The following NSUN6 variants were observed in gnomAD, a reference collection of about 807,000 sequenced individuals.
NSUN6 encodes the protein NOP2/Sun RNA methyltransferase 6.
A neutral mutation model predicts 58.0 loss-of-function variants in NSUN6; 64 were observed. That is an observed-to-expected ratio of 1.10 (90% CI 0.90 to 1.36). The LOEUF (loss-of-function observed/expected upper bound fraction) is 1.36, where lower values mean the gene tolerates loss of function less well. Ranked by LOEUF, NSUN6 falls within the 40% of genes most tolerant of loss-of-function variation. NSUN6 has a pLI of 0.00. For missense variants in NSUN6, 701 were observed against 550.1 expected (o/e 1.27, Z -2.74); for synonymous variants, 231 against 193.9 (o/e 1.19, Z -1.59).
chr10:18,555,641 G>A (rs2054942874), intron 8 of NSUN6, among the ~76,000 whole-genome samples: 1 of 114,812 alleles, frequency 8.7e-6, no homozygotes, highest in Non-Finnish European at 1.8e-5. Context: ...AGCATGGAAT[G>A]TAATGGAGAA....
chr10:18,612,321 C>G (rs1370080204), intron 5 of NSUN6, among the ~76,000 whole-genome samples: 1 of 152,072 alleles, frequency 6.6e-6, no homozygotes, highest in Non-Finnish European at 1.5e-5. Flanking sequence ...TACTCAGAGG[C>G]TGAAGTAGGA....
intron 2 of NSUN6, among the ~76,000 whole-genome samples, chr10:18,646,492 G>A (rs2059550142): frequency 6.6e-6 from 1 of 152,014 alleles, no homozygotes. Context: ...ATGGGATCTT[G>A]TATATCCAGA....
At chr10:18,637,428 AAAGT>A (rs1253790453) in intron 3 of NSUN6, among the ~76,000 whole-genome samples, 2 of 152,276 alleles carry the variant, frequency 1.3e-5, no homozygotes, top group African/African-American at 2.4e-5. Context: ...AAGCCACATA[AAAGT>A]AAGTATTGAA....
chr10:18,576,514 A>G (rs192804989), intron 8 of NSUN6, among the ~76,000 whole-genome samples: 2 of 152,290 alleles, frequency 1.3e-5, no homozygotes, highest in East Asian at 1.9e-4. Context: ...TCCTAAAACT[A>G]AACTAAAACT....
intron 3 of NSUN6, among the ~76,000 whole-genome samples, chr10:18,626,568 G>A (rs959487371): frequency 6.6e-6 from 1 of 152,166 alleles, no homozygotes; most frequent in Non-Finnish European, 1.5e-5. Flanking sequence ...AGGAATTCGA[G>A]ACCAACCTGG....
At chr10:18,616,923 G>A (rs61840848) in intron 3 of NSUN6, among the ~76,000 whole-genome samples, 4,037 of 152,136 alleles carry the variant, frequency 0.027, 76 homozygotes, top group Middle Eastern at 0.044. Context: ...ACTCACTGCT[G>A]GGGGAATTAG....
intron 8 of NSUN6, among the ~76,000 whole-genome samples, chr10:18,562,611 A>G (rs183638444): frequency 4.7e-5 from 7 of 149,966 alleles, no homozygotes; most frequent in Admixed American, 4.7e-4. Flanking sequence ...GGGGAATGGT[A>G]TGGAATGAAA....
chr10:18,555,165 T>A (rs557002112), intron 8 of NSUN6, among the ~76,000 whole-genome samples: 2 of 148,528 alleles, frequency 1.3e-5, no homozygotes, highest in East Asian at 2.0e-4. Flanking sequence ...GAGGATGGAA[T>A]GGAATGGAGG....
At chr10:18,627,237 C>G (rs1046455417) in intron 3 of NSUN6, among the ~76,000 whole-genome samples, 2 of 152,004 alleles carry the variant, frequency 1.3e-5, no homozygotes, top group Non-Finnish European at 2.9e-5. Flanking sequence ...CTGAAGAAAC[C>G]AGTAATTCAG....
At chr10:18,547,300 A>T (rs2054332685) in intron 10 of NSUN6, among the ~76,000 whole-genome samples, 1 of 152,252 alleles carries the variant, frequency 6.6e-6, no homozygotes, top group Non-Finnish European at 1.5e-5. Flanking sequence ...GGTCAGGGGA[A>T]AACTTCCCAT....
upstream of NSUN6, chr10:18,652,030 C>G: frequency 2.0e-6 from 2 of 985,384 alleles, no homozygotes; most frequent in Non-Finnish European, 2.4e-6. Context: ...CTCAGGCATA[C>G]AGATCTGACT....
chr10:18,573,210 A>C, intron 8 of NSUN6, among the ~76,000 whole-genome samples: 1 of 141,652 alleles, frequency 7.1e-6, no homozygotes, highest in South Asian at 2.2e-4. Context: ...TCCATTCTCC[A>C]CTCCATTGCA....
chr10:18,611,884 C>T, intron 5 of NSUN6, among the ~76,000 whole-genome samples: 1 of 152,240 alleles, frequency 6.6e-6, no homozygotes, highest in South Asian at 2.1e-4. Context: ...TCAGTTCTAA[C>T]AGCATTTAGC....
At chr10:18,579,535 G>A (rs2131055211) in intron 8 of NSUN6, among the ~76,000 whole-genome samples, 1 of 152,218 alleles carries the variant, frequency 6.6e-6, no homozygotes, top group African/African-American at 2.4e-5. Context: ...CAAAATATCT[G>A]AACCAGGTTT....
chr10:18,655,047 C>G, upstream of NSUN6: 1 of 981,378 alleles, frequency 1.0e-6, no homozygotes, highest in Non-Finnish European at 1.2e-6. Context: ...ATTTTTCTTG[C>G]CACGCTTATG....
intron 3 of NSUN6, among the ~76,000 whole-genome samples, chr10:18,625,754 A>T: frequency 6.7e-6 from 1 of 149,042 alleles, no homozygotes; most frequent in South Asian, 2.2e-4. Flanking sequence ...AAAAAGATAA[A>T]GAACTAAGAG....
intron 3 of NSUN6, among the ~76,000 whole-genome samples, chr10:18,628,685 CAAG>C (rs1229876635): frequency 3.3e-5 from 5 of 151,830 alleles, no homozygotes; most frequent in African/African-American, 1.2e-4. Context: ...TGAAATGAAG[CAAG>C]AAGGGAAGTT....
chr10:18,584,186 T>C (rs546026930), intron 8 of NSUN6, among the ~76,000 whole-genome samples: 3 of 152,302 alleles, frequency 2.0e-5, no homozygotes, highest in African/African-American at 7.2e-5. Context: ...ATCGAAATCA[T>C]GCCTGCTTGG....
intron 3 of NSUN6, among the ~76,000 whole-genome samples, chr10:18,623,300 A>G (rs887917561): frequency 6.6e-5 from 10 of 152,226 alleles, no homozygotes; most frequent in Non-Finnish European, 7.3e-5. Flanking sequence ...CTACTAAAAA[A>G]TCAGAGGAAG....
Sources: allele counts gnomAD v4.1 joint callset (sites outside exome capture counted in the v4.1 genomes callset), GRCh38; gene constraint gnomAD v4.1.1; transcripts MANE v1.5; gene names NCBI Gene and HGNC (gene_info 2026-07-23, HGNC 2026-07-21).